The following CUBN variants were observed in gnomAD, a reference collection of about 807,000 sequenced individuals.
The protein encoded by CUBN is 460 kDa receptor.
CUBN carries 282 observed loss-of-function variants against 405.3 expected under a neutral mutation model. That is an observed-to-expected ratio of 0.70 (90% CI 0.63 to 0.77). CUBN has a LOEUF of 0.77. Ranked by LOEUF, CUBN falls within the 30% of genes least tolerant of loss-of-function variation. CUBN has a pLI of 0.00. For missense variants in CUBN, 4,514 were observed against 4,475.2 expected (o/e 1.01, Z -0.25); for synonymous variants, 1,684 against 1,617.0 (o/e 1.04, Z -0.99).
intron 53 of CUBN, 75 bp downstream of exon 53, chr10:16,900,550 A>G: frequency 8.6e-7 from 1 of 1,158,196 alleles, no homozygotes; most frequent in Non-Finnish European, 1.3e-6. Context: ...TAAAGTAGGT[A>G]CAAAATGTAC....
chr10:16,876,049 G>T (rs1253279527), intron 57 of CUBN, among the ~76,000 whole-genome samples: 1 of 152,120 alleles, frequency 6.6e-6, no homozygotes, highest in African/African-American at 2.4e-5. Context: ...AATTATGGAG[G>T]GCCTTTTCAG....
At chr10:17,129,598 G>A (rs373362973) in intron 1 of CUBN, 46 bp downstream of exon 1, 30 of 1,613,040 alleles carry the variant, frequency 1.9e-5, no homozygotes, top group Non-Finnish European at 2.5e-5. Context: ...AACTGGTGAG[G>A]AATTAGCCTA....
chr10:17,109,801 A>G, intron 9 of CUBN, 66 bp from the exon 10 acceptor site: 1 of 1,275,590 alleles, frequency 7.8e-7, no homozygotes, highest in Non-Finnish European at 1.1e-6. Context: ...AAGCCTGTCT[A>G]GGATTCAAAT....
intron 46 of CUBN, 45 bp downstream of exon 46, chr10:16,915,776 A>G (rs755138050): frequency 1.3e-6 from 2 of 1,490,560 alleles, no homozygotes; most frequent in South Asian, 1.1e-5. Flanking sequence ...GAATAAGTAC[A>G]TGTGAAAATA....
chr10:16,847,349 G>C (rs1203940311), intron 60 of CUBN, among the ~76,000 whole-genome samples: 1 of 152,046 alleles, frequency 6.6e-6, no homozygotes, highest in Non-Finnish European at 1.5e-5. Flanking sequence ...CTACTCAGGA[G>C]GCTGAGGCAG....
chr10:16,914,717 C>A (rs1841833416), intron 47 of CUBN, among the ~76,000 whole-genome samples: 1 of 151,066 alleles, frequency 6.6e-6, no homozygotes. Flanking sequence ...TTTTTCTGAA[C>A]AAGATCTTTA....
chr10:16,992,892 G>T (rs1833634806), intron 28 of CUBN, among the ~76,000 whole-genome samples: 2 of 152,156 alleles, frequency 1.3e-5, no homozygotes, highest in Admixed American at 1.3e-4. Flanking sequence ...TACCGTAAAA[G>T]ATGAGAAAAT....
At chr10:16,958,500 T>G (rs774498838) in intron 31 of CUBN, among the ~76,000 whole-genome samples, 1 of 152,158 alleles carries the variant, frequency 6.6e-6, no homozygotes, top group Non-Finnish European at 1.5e-5. Flanking sequence ...CACTCCATCA[T>G]GGGTGACAGA....
At chr10:16,934,818 C>T (rs549035329) in intron 39 of CUBN, among the ~76,000 whole-genome samples, 2 of 152,296 alleles carry the variant, frequency 1.3e-5, no homozygotes, top group South Asian at 2.1e-4. Context: ...CAGACAATGG[C>T]AGCTCCAACA....
At chr10:17,097,395 T>G (rs1836398926) in intron 14 of CUBN, among the ~76,000 whole-genome samples, 1 of 152,232 alleles carries the variant, frequency 6.6e-6, no homozygotes, top group South Asian at 2.1e-4. Flanking sequence ...TTAAATACAT[T>G]GAATCATAAT....
rs997381970 is a variant in CUBN at position 16,956,838 on chromosome 10, G to A, written c.4696-2290C>T. On this transcript the variant is annotated intron_variant, in intron 31 of 66. Transcript: ENST00000377833. The stretch of plus-strand genomic sequence containing the variant: ...TTTTTTCATTTTTATAAAAGTTTAA[G>A]ATTCAATTTTATGAATATATACAGT... Among the ~76,000 whole-genome samples the A allele has an allele frequency of 1.1e-4, 17 of 152,048 alleles. 5 individuals are homozygous for A. The highest frequency in any genetic ancestry group is 2.0e-4 in the Admixed American group (3 of 15,264).
chr10:16,844,884 G>C (rs530852984), intron 60 of CUBN, among the ~76,000 whole-genome samples: 4 of 123,036 alleles, frequency 3.3e-5, no homozygotes, highest in Admixed American at 8.0e-5. Flanking sequence ...GGTGCCTTTA[G>C]GATCTACACC....
chr10:16,986,698 C>T (rs554112335), intron 29 of CUBN, among the ~76,000 whole-genome samples: 1 of 152,268 alleles, frequency 6.6e-6, no homozygotes, highest in Admixed American at 6.5e-5. Flanking sequence ...CAGAAGCAAG[C>T]TTGCATGGTG....
intron 28 of CUBN, among the ~76,000 whole-genome samples, chr10:17,012,541 ACTGT>A (rs1334126891): frequency 6.6e-6 from 1 of 152,180 alleles, no homozygotes; most frequent in Non-Finnish European, 1.5e-5. Context: ...TTTCTTGCAA[ACTGT>A]CTGAGAAATG....
chr10:17,046,382 A>G (rs187492616), intron 23 of CUBN, among the ~76,000 whole-genome samples: 1 of 152,202 alleles, frequency 6.6e-6, no homozygotes, highest in Non-Finnish European at 1.5e-5. Context: ...TTTCGAATAA[A>G]GCCTCTGGCA....
At chr10:17,124,531 C>A (rs35245342) in intron 4 of CUBN, among the ~76,000 whole-genome samples, 5 of 151,590 alleles carry the variant, frequency 3.3e-5, no homozygotes, top group Non-Finnish European at 5.9e-5. Flanking sequence ...TGGGTCCATG[C>A]CATTCTCCTG....
At chr10:17,109,465 T>C (rs1159936896) in intron 10 of CUBN, among the ~76,000 whole-genome samples, 175 bp downstream of exon 10, 1 of 152,152 alleles carries the variant, frequency 6.6e-6, no homozygotes, top group Non-Finnish European at 1.5e-5. Context: ...TTAAAGAGCA[T>C]AGTTTATTAC....
At chr10:16,906,113 C>T (rs1841546428) in intron 50 of CUBN, 90 bp downstream of exon 50, 2 of 1,099,612 alleles carry the variant, frequency 1.8e-6, no homozygotes, top group African/African-American at 1.6e-5. Flanking sequence ...GCTCCTGTCT[C>T]AAAACAACAA....
intron 31 of CUBN, among the ~76,000 whole-genome samples, chr10:16,977,810 T>G (rs1297918164): frequency 1.3e-5 from 2 of 152,212 alleles, no homozygotes; most frequent in Non-Finnish European, 2.9e-5. Flanking sequence ...CCTGCACCCC[T>G]GTCTGCATGT....
Sources: gnomAD v4.1 joint callset for allele counts (sites outside exome capture counted in the v4.1 genomes callset) on GRCh38, gnomAD v4.1.1 for gene constraint, MANE v1.5 for transcripts, NCBI Gene and HGNC (gene_info 2026-07-23, HGNC 2026-07-21) for gene names.